Variants in NBEA observed in about 807,000 individuals in gnomAD.
The protein encoded by NBEA is neurobeachin.
A neutral mutation model predicts 343.4 loss-of-function variants in NBEA; 44 were observed. The ratio of observed to expected loss-of-function variants is 0.13; its 90% CI spans 0.10 to 0.16. The LOEUF (loss-of-function observed/expected upper bound fraction) is 0.16, where lower values mean the gene tolerates loss of function less well. Among genes scored for constraint, NBEA ranks in the 10% least tolerant of loss-of-function variants. NBEA has a pLI of 1.00. For synonymous variants in NBEA, 1,175 were observed against 1,238.7 expected (o/e 0.95, Z 1.08); for missense variants, 2,555 against 3,631.3 (o/e 0.70, Z 7.62).
chr13:35,062,852 T>G (rs1181430011), intron 8 of NBEA, among the ~76,000 whole-genome samples: 1 of 151,974 alleles, frequency 6.6e-6, no homozygotes, highest in African/African-American at 2.4e-5. Context: ...TATATACATG[T>G]AATACATATG....
chr13:35,398,838 A>G (rs1012558415), intron 38 of NBEA, among the ~76,000 whole-genome samples: 3 of 152,070 alleles, frequency 2.0e-5, no homozygotes, highest in Non-Finnish European at 4.4e-5. Context: ...ATTAGCCCCC[A>G]GTAAGAGAGT....
Position 35,588,163 on chromosome 13 carries a change from C to T in NBEA, c.7176+4125C>T, listed in dbSNP as rs116401322. 7.5e-3 allele frequency among the ~76,000 whole-genome samples: 1,139 copies of T among 152,230 alleles called. 17 individuals are homozygous for T. The highest frequency in any genetic ancestry group is 0.026 in the African/African-American group (1,084 of 41,550). On this transcript the variant is annotated intron_variant, in intron 46 of 58. Transcript: ENST00000379939. ...ATCTCAATTTGAACTAGCCACACTT[C>T]AAGTGCTCAATAGTGACATGTGGCT...
chr13:35,360,419 C>T (rs764390020), intron 38 of NBEA, among the ~76,000 whole-genome samples: 1 of 151,954 alleles, frequency 6.6e-6, no homozygotes, highest in African/African-American at 2.4e-5. Context: ...AGGAAGTTAA[C>T]ATGATCCAGT....
chr13:34,982,047 C>G (rs2060374916), intron 1 of NBEA, among the ~76,000 whole-genome samples: 1 of 151,346 alleles, frequency 6.6e-6, no homozygotes, highest in Non-Finnish European at 1.5e-5. Flanking sequence ...TATGTTAATT[C>G]TATTATTTGT....
intron 40 of NBEA, among the ~76,000 whole-genome samples, chr13:35,471,246 G>A (rs1311430903): frequency 6.6e-6 from 1 of 152,134 alleles, no homozygotes; most frequent in African/African-American, 2.4e-5. Context: ...GCCAGGGAAA[G>A]CCAACTTGGC....
At chr13:35,467,221 C>T (rs960241731) in intron 40 of NBEA, among the ~76,000 whole-genome samples, 1 of 152,106 alleles carries the variant, frequency 6.6e-6, no homozygotes, top group African/African-American at 2.4e-5. Context: ...GACCTGTAAT[C>T]CCAGCACTGT....
chr13:35,354,059 G>A (rs1323174642), intron 38 of NBEA, among the ~76,000 whole-genome samples: 2 of 152,030 alleles, frequency 1.3e-5, no homozygotes, highest in African/African-American at 4.8e-5. Context: ...CCACATTCTT[G>A]AGGGTAATAT....
At chr13:35,123,646 A>C (rs2066917031) in intron 17 of NBEA, 72 bp downstream of exon 17, 1 of 914,892 alleles carries the variant, frequency 1.1e-6, no homozygotes, top group Admixed American at 3.7e-5. Context: ...TTTTCTATGT[A>C]ATGTAGCATG....
In NBEA at chr13:34,942,606, G is replaced by A. The variant is rs1185722166; in HGVS notation, c.-215G>A. On this transcript the variant is annotated 5_prime_UTR_variant, in exon 1 of 59. Transcript: ENST00000379939. Reference sequence around the variant, plus strand: ...GGCAGCGGTTAGCGGTACCGCCACCGCCGAGAATAAGCCTGCGGATCCCCC... The same window carrying A: ...GGCAGCGGTTAGCGGTACCGCCACCACCGAGAATAAGCCTGCGGATCCCCC... 1.0e-5 allele frequency: 3 copies of A among 288,332 alleles called. No individual in the cohort carries two copies. Among genetic ancestry groups the A allele is most frequent in the South Asian group, 1.4e-4 (1 of 7,118 alleles). The allele number at this position is 288,332 out of a possible 1,614,324, so 17.9% of individuals were successfully genotyped here. A position where few individuals can be genotyped will look rare whatever the true frequency, so the allele number is the denominator to read the frequency against.
chr13:35,148,382 G>T (rs1407118740), intron 18 of NBEA, among the ~76,000 whole-genome samples: 1 of 152,134 alleles, frequency 6.6e-6, no homozygotes, highest in Admixed American at 6.6e-5. Context: ...GAGATTATAT[G>T]ATCCACAAAT....
chr13:35,626,160 AT>A (rs972742185), intron 48 of NBEA, among the ~76,000 whole-genome samples: 2 of 152,174 alleles, frequency 1.3e-5, no homozygotes, highest in African/African-American at 4.8e-5. Context: ...ACAAAATGAA[AT>A]TTTTAACCCT....
chr13:35,107,702 G>T (rs1366366579), intron 11 of NBEA, among the ~76,000 whole-genome samples: 1 of 151,876 alleles, frequency 6.6e-6, no homozygotes, highest in Non-Finnish European at 1.5e-5. Flanking sequence ...ACAGTGCCAG[G>T]GAGCATATTT....
At position 35,668,463 on chromosome 13, in the gene NBEA, C is replaced by T. The variant is rs1566486312; in HGVS notation, c.8757C>T (p.Tyr2919=). 4.3e-6 allele frequency: 7 copies of T among 1,612,988 alleles called. No homozygotes were observed. The highest frequency in any genetic ancestry group is 5.9e-6 in the Non-Finnish European group (7 of 1,179,590). The change falls in exon 58 of 59, where the codon TAC becomes TAT. Residue 2919 remains tyrosine (Y), a synonymous_variant. Coordinates refer to ENST00000379939, the MANE Select transcript of NBEA (RefSeq NM_001385012.1). ...AGGCCTGTGACTTCAAGCAACTGTACATTTACCCTGGATGTGATGCTGGCA... is the reference window on the plus strand; with the variant it reads ...AGGCCTGTGACTTCAAGCAACTGTATATTTACCCTGGATGTGATGCTGGCA... The part of the protein sequence containing the change: ...VWQACDFKQL[Y]IYPGCDAGIR...
intron 41 of NBEA, among the ~76,000 whole-genome samples, chr13:35,545,569 T>C (rs2079026067): frequency 6.6e-6 from 1 of 152,258 alleles, no homozygotes; most frequent in African/African-American, 2.4e-5. Context: ...ACTACAAAAC[T>C]GTTTTAAATT....
rs1345699876 is a variant in NBEA, at chr13:35,445,823, T to C, written c.6305-6269T>C. On this transcript the variant is annotated intron_variant, in intron 39 of 58. Transcript: ENST00000379939. ...ATATATATATATATATATATGTATA[T>C]ATATATATTATATTTGAAGTTCTAG... 2.8e-5 allele frequency among the ~76,000 whole-genome samples: 4 copies of C among 143,464 alleles called. No homozygotes were observed. In the East Asian group the frequency reaches 8.2e-4, roughly 29 times the overall value. The allele number at this position is 143,464 out of a possible 152,430, so 94.1% of individuals were successfully genotyped here.
intron 18 of NBEA, among the ~76,000 whole-genome samples, chr13:35,151,147 T>C (rs1368125068): frequency 2.6e-5 from 4 of 151,374 alleles, no homozygotes; most frequent in Non-Finnish European, 4.4e-5. Flanking sequence ...AAATTTGTTA[T>C]TTTAATAATT....
chr13:35,369,061 T>C (rs2041281877), intron 38 of NBEA, among the ~76,000 whole-genome samples: 1 of 151,708 alleles, frequency 6.6e-6, no homozygotes, highest in Non-Finnish European at 1.5e-5. Flanking sequence ...TTTTAACATT[T>C]AGGCCTTTAA....
At chr13:34,949,120 A>G (rs1006135190) in intron 1 of NBEA, among the ~76,000 whole-genome samples, 7 of 152,186 alleles carry the variant, frequency 4.6e-5, no homozygotes, top group African/African-American at 1.7e-4. Context: ...GACCAAAGTA[A>G]CAGTAATCCA....
chr13:35,599,512 A>G (rs924881890), intron 47 of NBEA, among the ~76,000 whole-genome samples: 1 of 152,206 alleles, frequency 6.6e-6, no homozygotes, highest in Non-Finnish European at 1.5e-5. Context: ...CTGCCTGGGC[A>G]TGTCTGTCTC....
Sources: allele counts gnomAD v4.1 joint callset (sites outside exome capture counted in the v4.1 genomes callset), GRCh38; gene constraint gnomAD v4.1.1; transcripts MANE v1.5; gene names NCBI Gene and HGNC (gene_info 2026-07-23, HGNC 2026-07-21).